Variants in CDC25A observed in about 807,000 individuals in gnomAD.
CDC25A encodes cell division cycle 25A, also known as M-phase inducer phosphatase 1.
CDC25A carries 17 observed loss-of-function variants against 64.6 expected under a neutral mutation model. The observed-to-expected ratio is 0.26, with a 90% CI of 0.18 to 0.39. The LOEUF is 0.39. Among genes scored for constraint, CDC25A ranks in the 10% least tolerant of loss-of-function variants. The probability of loss-of-function intolerance (pLI) is 1.00; values close to 1 mark genes in which losing one functional copy is unlikely to be tolerated. For synonymous variants in CDC25A, 229 were observed against 238.6 expected, an observed-to-expected ratio of 0.96 and a Z score of 0.37; for missense variants, 473 against 654.8, an observed-to-expected ratio of 0.72 and a Z score of 3.03.
At chr3:48,169,347 T>C (rs2032179612) in intron 9 of CDC25A, among the ~76,000 whole-genome samples, 1 of 152,258 alleles carries the variant, frequency 6.6e-6, no homozygotes, top group African/African-American at 2.4e-5. Context: ...GCCTGGCACA[T>C]TATACTTCCT....
intron 7 of CDC25A, 138 bp downstream of exon 7, chr3:48,177,716 T>G: frequency 1.0e-6 from 1 of 994,356 alleles, no homozygotes; most frequent in Non-Finnish European, 1.6e-6. Context: ...ATTAAATGAA[T>G]TATCACCAAA....
chr3:48,184,731 CA>C, intron 2 of CDC25A, 36 bp from the exon 3 acceptor site: 1 of 1,442,834 alleles, frequency 6.9e-7, no homozygotes, highest in Non-Finnish European at 9.5e-7. Context: ...AGAAATAATA[CA>C]AAAAACACCA....
At chr3:48,184,523 C>A (rs2032780041) in intron 3 of CDC25A, 130 bp downstream of exon 3, 2 of 665,326 alleles carry the variant, frequency 3.0e-6, no homozygotes, top group Non-Finnish European at 5.3e-6. Flanking sequence ...TCTTGAGATT[C>A]CAGAGTGTTT....
intron 9 of CDC25A, among the ~76,000 whole-genome samples, chr3:48,172,007 A>T (rs899482601): frequency 8.6e-5 from 13 of 152,044 alleles, no homozygotes; most frequent in Non-Finnish European, 1.8e-4. Flanking sequence ...AATAAAAAAA[A>T]ATTTTTTTTA....
chr3:48,188,102 G>A lies in CDC25A; in HGVS notation c.-155C>T. 1 of 552,772 alleles carries A rather than the reference G, an allele frequency of 1.8e-6. No homozygotes were observed. The highest frequency in any genetic ancestry group is 2.7e-6 in the Non-Finnish European group (1 of 376,838). 34.2% of individuals were successfully genotyped at this position (552,772 alleles called of 1,614,324 possible). A position where few individuals can be genotyped will look rare whatever the true frequency, so the allele number is the denominator to read the frequency against. On this transcript the variant is annotated 5_prime_UTR_variant, in exon 1 of 15. Coordinates refer to ENST00000302506, the MANE Select transcript of CDC25A (RefSeq NM_001789.3). Reference sequence around the variant, plus strand: ...CGGTTCAGGGACGCGGCTGCCGCGGGCAAGCGGCGCGGCCGGGCGGGTGTG... The same window carrying A: ...CGGTTCAGGGACGCGGCTGCCGCGGACAAGCGGCGCGGCCGGGCGGGTGTG...
At position 48,164,387 on chromosome 3, in the gene CDC25A, C is replaced by T. The variant is rs2031915092; in HGVS notation, c.1242G>A (p.Lys414=). Reference sequence around the variant, plus strand: ...TGCCATCAGTAGGTACAATGGGCTTCTTCAATAAGAAGTCTTCAACCTCTT... The same window carrying T: ...TGCCATCAGTAGGTACAATGGGCTTTTTCAATAAGAAGTCTTCAACCTCTT... ...MEEEVEDFLL[K]KPIVPTDGKR... Residue 414 remains lysine (K), a synonymous_variant, in exon 13 of 15, where the codon AAG becomes AAA. Coordinates refer to ENST00000302506, the MANE Select transcript of CDC25A (RefSeq NM_001789.3). 4 of 1,601,910 alleles carry T rather than the reference C, an allele frequency of 2.5e-6. No individual in the cohort carries two copies. The highest frequency in any genetic ancestry group is 3.4e-6 in the Non-Finnish European group (4 of 1,175,774).
chr3:48,170,600 A>C (rs2032230609), intron 9 of CDC25A, among the ~76,000 whole-genome samples: 1 of 152,154 alleles, frequency 6.6e-6, no homozygotes, highest in African/African-American at 2.4e-5. Context: ...CTGTCCTTTC[A>C]AGGTTTTAGG....
chr3:48,177,722 C>T, intron 7 of CDC25A, 132 bp downstream of exon 7: 6 of 1,048,536 alleles, frequency 5.7e-6, no homozygotes, highest in South Asian at 5.4e-5. Flanking sequence ...TGAATTATCA[C>T]CAAATGAACA....
Position 48,178,006 on chromosome 3 carries a change from T to G in CDC25A, c.550-18A>C, listed in dbSNP as rs199526294. The G allele has an allele frequency of 3.1e-6, 5 of 1,599,398 alleles. No individual in the cohort carries two copies. Among genetic ancestry groups the G allele is most frequent in the Non-Finnish European group, 4.3e-6 (5 of 1,172,298 alleles). ...GAGGAAAGCTGTAAGACAAAATTCA[T>G]GGATTAATAATGAGAGCTCTGATCC... On this transcript the variant is annotated intron_variant, in intron 6 of 14. Transcript: ENST00000302506.
intron 13 of CDC25A, among the ~76,000 whole-genome samples, chr3:48,163,573 C>T (rs1473668737): frequency 6.6e-6 from 1 of 151,826 alleles, no homozygotes; most frequent in Non-Finnish European, 1.5e-5. Context: ...CACTGCACTC[C>T]AGCCTGGGCA....
chr3:48,165,107 C>CAAAAAAAAAAAAAAAAAA (rs11370901), intron 12 of CDC25A, among the ~76,000 whole-genome samples: 9 of 84,960 alleles, frequency 1.1e-4, no homozygotes, highest in African/African-American at 4.0e-4. Context: ...GACTCTGTCT[C>CAAAAAAAAAAAAAAAAAA]AAAAAAAAAA....
At chr3:48,179,311 T>A (rs2032577803) in intron 6 of CDC25A, among the ~76,000 whole-genome samples, 1 of 152,222 alleles carries the variant, frequency 6.6e-6, no homozygotes, top group Admixed American at 6.5e-5. Context: ...CTCTAGTCGC[T>A]AAGCACACAC....
chr3:48,168,305 A>G lies in CDC25A; in HGVS notation c.931-361T>C, dbSNP rs113140709. Among the ~76,000 whole-genome samples the G allele has an allele frequency of 2.0e-3, 305 of 148,960 alleles. 3 individuals carry two copies. Among genetic ancestry groups the G allele is most frequent in the African/African-American group, 6.7e-3 (273 of 40,614 alleles). ...AGTTCCAGACCAGCCTGGGCAAGGC[A>G]GGTGAATCGCTTGAGCCCAGGAGTT... On this transcript the variant is annotated intron_variant, in intron 9 of 14. Transcript: ENST00000302506.
At position 48,159,345 on chromosome 3, in the gene CDC25A, T is replaced by C; in HGVS notation, c.1433A>G (p.Gln478Arg). 6.2e-7 allele frequency: 1 copy of C among 1,605,288 alleles called. No individual in the cohort carries two copies. The highest frequency in any genetic ancestry group is 1.1e-5 in the South Asian group (1 of 90,910). Residue 478 changes from glutamine (Q) to arginine (R), a missense_variant and splice_region_variant, in exon 14 of 15, where the codon CAG becomes CGG. Coordinates refer to ENST00000302506, the MANE Select transcript of CDC25A (RefSeq NM_001789.3). The stretch of plus-strand genomic sequence containing the variant: ...TGCTCTCCACAACCCCAGTCTTACC[T>C]GGCATTTCATAAAGAACTCCTTGTA... ...GGYKEFFMKC[Q>R]SYCEPPSYRP...
chr3:48,176,750 C>T (rs1042307968), intron 8 of CDC25A, among the ~76,000 whole-genome samples: 2 of 151,556 alleles, frequency 1.3e-5, no homozygotes, highest in African/African-American at 4.8e-5. Flanking sequence ...GTGGGCAGAT[C>T]ACCTGAGGTC....
chr3:48,162,132 T>A (rs557547241), intron 13 of CDC25A, among the ~76,000 whole-genome samples: 84 of 152,246 alleles, frequency 5.5e-4, no homozygotes, highest in African/African-American at 1.9e-3. Context: ...AGACAGATGT[T>A]TGAAGGACTT....
At chr3:48,186,522 T>A (rs1015465928) in intron 2 of CDC25A, among the ~76,000 whole-genome samples, 181 bp downstream of exon 2, 59 of 149,164 alleles carry the variant, frequency 4.0e-4, no homozygotes, top group African/African-American at 1.4e-3. Flanking sequence ...TGAGCTGAGA[T>A]CATGCCATTG....
chr3:48,163,054 G>T (rs904683281), intron 13 of CDC25A, among the ~76,000 whole-genome samples: 4 of 151,970 alleles, frequency 2.6e-5, no homozygotes, highest in Non-Finnish European at 5.9e-5. Flanking sequence ...GGTCAAGGCG[G>T]GTGGATCACC....
At chr3:48,182,811 A>C (rs2032712919) in intron 5 of CDC25A, 118 bp downstream of exon 5, 4 of 675,510 alleles carry the variant, frequency 5.9e-6, no homozygotes, top group Non-Finnish European at 8.1e-6. Context: ...TCTGACTCCA[A>C]AGACCGCACA....
Sources: allele counts gnomAD v4.1 joint callset (sites outside exome capture counted in the v4.1 genomes callset), GRCh38; gene constraint gnomAD v4.1.1; transcripts MANE v1.5; gene names NCBI Gene and HGNC (gene_info 2026-07-23, HGNC 2026-07-21).